The following ATAD2 variants were observed in gnomAD, a reference collection of about 807,000 sequenced individuals.
The protein encoded by ATAD2 is ATPase family AAA domain-containing protein 2.
Under a neutral mutation model 168.9 loss-of-function variants are expected in ATAD2, and 62 were observed. The observed-to-expected ratio is 0.37, with a 90% CI of 0.30 to 0.45. ATAD2 has a LOEUF of 0.45. ATAD2 is among the 20% of genes least tolerant of loss of function. The pLI is 1.00. For synonymous variants in ATAD2, 613 were observed against 571.6 expected (o/e 1.07, Z -1.03); for missense variants, 1,419 against 1,667.8 (o/e 0.85, Z 2.60).
intron 1 of ATAD2, among the ~76,000 whole-genome samples, chr8:123,388,329 G>C (rs1045460759): frequency 4.6e-5 from 7 of 152,190 alleles, no homozygotes; most frequent in African/African-American, 1.7e-4. Flanking sequence ...CCCGGTAGTA[G>C]CTGGGGCTAC....
chr8:123,343,367 C>T (rs1022744028), intron 19 of ATAD2, among the ~76,000 whole-genome samples: 1 of 152,130 alleles, frequency 6.6e-6, no homozygotes, highest in Non-Finnish European at 1.5e-5. Flanking sequence ...AATCTTTCTC[C>T]ACAATAATAG....
At chr8:123,358,484 AC>A (rs1045859226) in intron 11 of ATAD2, among the ~76,000 whole-genome samples, 13 of 151,864 alleles carry the variant, frequency 8.6e-5, no homozygotes, top group Non-Finnish European at 1.9e-4. Flanking sequence ...AGCTGGGACA[AC>A]AGGTGCCCGC....
At chr8:123,344,705 T>C (rs1414976139) in intron 19 of ATAD2, 179 bp downstream of exon 19, 1 of 662,954 alleles carries the variant, frequency 1.5e-6, no homozygotes, top group Admixed American at 2.6e-5. Context: ...CATACACATA[T>C]ACATATACCA....
intron 19 of ATAD2, chr8:123,342,310 TAA>T (rs928332115): frequency 1.3e-5 from 2 of 152,018 alleles, no homozygotes; most frequent in African/African-American, 4.8e-5. Flanking sequence ...CAGCAAGACA[TAA>T]AAGAGTATTC....
intron 1 of ATAD2, among the ~76,000 whole-genome samples, chr8:123,390,804 G>C (rs1829804725): frequency 6.6e-6 from 1 of 152,158 alleles, no homozygotes; most frequent in Admixed American, 6.5e-5. Flanking sequence ...GGCCAAGGCA[G>C]GTGGATCACC....
intron 1 of ATAD2, chr8:123,380,916 G>A (rs1000171649): frequency 4.5e-6 from 2 of 445,038 alleles, no homozygotes; most frequent in South Asian, 2.8e-5. Flanking sequence ...TTCATAACAA[G>A]TAGTTCATAA....
intron 8 of ATAD2, among the ~76,000 whole-genome samples, chr8:123,365,988 C>T (rs1828965741): frequency 6.6e-6 from 1 of 152,044 alleles, no homozygotes; most frequent in East Asian, 1.9e-4. Flanking sequence ...AAAGGCAACC[C>T]ACAGTATGGG....
chr8:123,355,673 T>C (rs991631380), intron 13 of ATAD2, among the ~76,000 whole-genome samples: 3 of 152,270 alleles, frequency 2.0e-5, no homozygotes, highest in East Asian at 1.9e-4. Context: ...AATTTGAACA[T>C]AAAATCTGAG....
chr8:123,354,703 T>G (rs1450193472), intron 13 of ATAD2, among the ~76,000 whole-genome samples: 3 of 151,294 alleles, frequency 2.0e-5, no homozygotes, highest in Non-Finnish European at 4.4e-5. Flanking sequence ...CTGGGCATGG[T>G]GGGGCACACC....
chr8:123,334,382 T>C, intron 22 of ATAD2, 60 bp from the exon 23 acceptor site: 1 of 1,400,456 alleles, frequency 7.1e-7, no homozygotes, highest in Non-Finnish European at 9.4e-7. Context: ...ATACCAAAAA[T>C]AAACTCAGCA....
intron 22 of ATAD2, among the ~76,000 whole-genome samples, chr8:123,335,957 A>G (rs1373453883): frequency 6.9e-6 from 1 of 145,276 alleles, no homozygotes; most frequent in Non-Finnish European, 1.5e-5. Flanking sequence ...AGTAAGCCCT[A>G]TATTATATTG....
Position 123,344,738 on chromosome 8 carries a change from C to T in ATAD2, c.2718+146G>A, listed in dbSNP as rs551836538. On this transcript the variant is annotated intron_variant, in intron 19 of 27. Transcript: ENST00000287394. The stretch of plus-strand genomic sequence containing the variant: ...CCATCTTGCCCAATGAGCACATATA[C>T]CAAATAGTTACCAATGGTATATTTG... The T allele has an allele frequency of 1.3e-4, 108 of 859,926 alleles. 2 individuals are homozygous for T. The highest frequency in any genetic ancestry group is 4.4e-4 in the Middle Eastern group (2 of 4,526). The allele number at this position is 859,926 out of a possible 1,614,324, so 53.3% of individuals were successfully genotyped here. A position where few individuals can be genotyped will look rare whatever the true frequency, so the allele number is the denominator to read the frequency against.
chr8:123,412,250 G>C (rs781515934), intron 1 of ATAD2, among the ~76,000 whole-genome samples: 1 of 152,160 alleles, frequency 6.6e-6, no homozygotes, highest in Non-Finnish European at 1.5e-5. Context: ...AATGAGAGAT[G>C]CATTTGTATC....
Position 123,328,798 on chromosome 8 carries a change from A to ATTTT in ATAD2, c.3479-223_3479-220dup, listed in dbSNP as rs35015706. 2.9e-4 allele frequency among the ~76,000 whole-genome samples: 37 copies of ATTTT among 126,892 alleles called. 2 individuals are homozygous for ATTTT. Among genetic ancestry groups the ATTTT allele is most frequent in the African/African-American group, 9.1e-4 (30 of 32,876 alleles). 83.2% of individuals were successfully genotyped at this position (126,892 alleles called of 152,430 possible). The stretch of plus-strand genomic sequence containing the variant: ...TAAAAAATTTTGATTTTATCTTGAA[A>ATTTT]TTTTTTTTTTTTTTTTTTTTGAGAC... On this transcript the variant is annotated intron_variant, in intron 24 of 27. Transcript: ENST00000287394.
intron 24 of ATAD2, among the ~76,000 whole-genome samples, chr8:123,330,116 G>C (rs1827736154): frequency 6.6e-6 from 1 of 150,488 alleles, no homozygotes. Flanking sequence ...AGTCTCCCAA[G>C]AAGGTAGGGC....
In ATAD2 at chr8:123,375,694, A is replaced by G. The variant is rs1295807056; in HGVS notation, c.321-3008T>C. ...ATTCAACAATAAGAAGTACTGAGCCAGCCGCAGTGGCTCACGCTGTAATTC... is the reference window on the plus strand; with the variant it reads ...ATTCAACAATAAGAAGTACTGAGCCGGCCGCAGTGGCTCACGCTGTAATTC... On this transcript the variant is annotated intron_variant, in intron 2 of 27. Coordinates refer to ENST00000287394, the MANE Select transcript of ATAD2 (RefSeq NM_014109.4). Among the ~76,000 whole-genome samples the G allele has an allele frequency of 2.0e-5, 3 of 152,238 alleles. No homozygotes were observed. In the East Asian group the frequency reaches 5.8e-4, roughly 29 times the overall value.
rs145552996 is a variant in ATAD2, at chr8:123,416,293, C to T, written c.-2327G>A. Reference sequence around the variant, plus strand: ...AAGCTCAGCCCCTGGTTGGAAGAGCCTCCCCGCGGAGATTCACAGCAAAGC... The same window carrying T: ...AAGCTCAGCCCCTGGTTGGAAGAGCTTCCCCGCGGAGATTCACAGCAAAGC... On this transcript the variant is annotated 5_prime_UTR_variant, in exon 1 of 29. Coordinates refer to the ATAD2 transcript ENST00000521903. 397 of 153,234 alleles carry T rather than the reference C, an allele frequency of 2.6e-3. 8 individuals carry two copies. In the East Asian group the frequency reaches 0.039, roughly 15 times the overall value. 9.5% of individuals were successfully genotyped at this position (153,234 alleles called of 1,614,324 possible).
chr8:123,400,455 A>G, upstream of ATAD2: 1 of 359,546 alleles, frequency 2.8e-6, no homozygotes. The surrounding 1 kb of genome is among the most constrained non-coding windows in gnomAD (Gnocchi z 4.5). Flanking sequence ...GGATCGCTTG[A>G]GCCCAGCAGT....
intron 8 of ATAD2, among the ~76,000 whole-genome samples, chr8:123,363,928 C>G (rs554275158): frequency 6.6e-6 from 1 of 152,018 alleles, no homozygotes; most frequent in South Asian, 2.1e-4. Flanking sequence ...TATGTTTATT[C>G]AAAAAATCTG....
Sources: gnomAD v4.1 joint callset for allele counts (sites outside exome capture counted in the v4.1 genomes callset) on GRCh38, gnomAD v4.1.1 for gene constraint, Gnocchi (gnomAD v3.1) non-coding constraint, MANE v1.5 for transcripts, NCBI Gene and HGNC (gene_info 2026-07-23, HGNC 2026-07-21) for gene names.